Variants in CLEC16A observed in about 807,000 individuals in gnomAD.
The protein encoded by CLEC16A is C-type lectin domain containing 16A.
A neutral mutation model predicts 109.5 loss-of-function variants in CLEC16A; 51 were observed. The observed-to-expected ratio is 0.47, with a 90% CI of 0.37 to 0.59. CLEC16A has a LOEUF of 0.59. CLEC16A is among the 20% of genes least tolerant of loss of function. CLEC16A has a pLI of 0.00. For missense variants in CLEC16A, 1,339 were observed against 1,394.0 expected, an observed-to-expected ratio of 0.96 and a Z score of 0.63; for synonymous variants, 673 against 564.2, an observed-to-expected ratio of 1.19 and a Z score of -2.73.
At chr16:11,084,399 G>A (rs1332116508) in intron 19 of CLEC16A, among the ~76,000 whole-genome samples, 1 of 152,122 alleles carries the variant, frequency 6.6e-6, no homozygotes, top group Non-Finnish European at 1.5e-5. Flanking sequence ...TTCAAAGTTG[G>A]ATCCCAGGGC....
Position 10,982,908 on chromosome 16 carries a change from G to A in CLEC16A, c.988G>A (p.Val330Met). 2 of 1,611,198 alleles carry A rather than the reference G, an allele frequency of 1.2e-6. No individual in the cohort carries two copies. The highest frequency in any genetic ancestry group is 1.7e-6 in the Non-Finnish European group (2 of 1,177,418). Residue 330 changes from valine (V) to methionine (M), a missense_variant, in exon 10 of 24, where the codon GTG (valine) becomes ATG (methionine). Val to Met is a conservative substitution (Grantham distance 21). This residue lies in a region of CLEC16A where 1,061 missense variants were observed against 1,006.8 expected (regional missense o/e 1.05). Coordinates refer to ENST00000409790, the MANE Select transcript of CLEC16A (RefSeq NM_015226.3). ...VFLIIHHAPL[V>M]NSLAEVILNG... ...CTTAATTATACATCATGCACCGCTG[G>A]TGAACTCGTTAGCTGAAGTCATTCT... is the stretch of plus-strand genomic sequence containing the variant.
At chr16:11,030,821 T>C (rs529956213) in intron 13 of CLEC16A, among the ~76,000 whole-genome samples, 8 of 152,140 alleles carry the variant, frequency 5.3e-5, no homozygotes, top group Non-Finnish European at 1.2e-4. Context: ...ATTTTTGTAT[T>C]TTTAGTAGTG....
At chr16:11,042,489 C>G (rs2047393425) in intron 15 of CLEC16A, 126 bp downstream of exon 15, 2 of 672,116 alleles carry the variant, frequency 3.0e-6, no homozygotes, top group South Asian at 3.9e-5. Context: ...CTAGAAGCAG[C>G]AGGGGCTGCT....
intron 19 of CLEC16A, among the ~76,000 whole-genome samples, chr16:11,076,277 C>T (rs2049368373): frequency 6.6e-6 from 1 of 152,208 alleles, no homozygotes; most frequent in Admixed American, 6.5e-5. Flanking sequence ...AGAGATTTCC[C>T]CCTTGGGCCA....
At chr16:11,176,711 C>A (rs2068762382) in intron 23 of CLEC16A, among the ~76,000 whole-genome samples, 1 of 152,124 alleles carries the variant, frequency 6.6e-6, no homozygotes, top group South Asian at 2.1e-4. Context: ...GCACTCCAGC[C>A]TGGGTGACAG....
Position 10,977,355 on chromosome 16 carries a change from C to T in CLEC16A, c.859C>T (p.Leu287Phe). Residue 287 changes from leucine (L) to phenylalanine (F), a missense_variant, in exon 8 of 24, where the codon CTC becomes TTC. Coordinates refer to ENST00000409790, the MANE Select transcript of CLEC16A (RefSeq NM_015226.3). ...DVLTDHLLNRLFLPLYVYSLE... is the reference protein window; with the variant it reads ...DVLTDHLLNRFFLPLYVYSLE... Reference sequence around the variant, plus strand: ...GCTCACTGACCACCTGCTCAACAGGCTCTTCCTGCCCCTCTACGTGTACTC... The same window carrying T: ...GCTCACTGACCACCTGCTCAACAGGTTCTTCCTGCCCCTCTACGTGTACTC... 6.2e-7 allele frequency: 1 copy of T among 1,613,990 alleles called. No individual in the cohort carries two copies. Among genetic ancestry groups the T allele is most frequent in the African/African-American group, 1.3e-5 (1 of 75,044 alleles).
At chr16:10,977,576 C>T (rs1360102647) in intron 8 of CLEC16A, among the ~76,000 whole-genome samples, 177 bp downstream of exon 8, 1 of 152,074 alleles carries the variant, frequency 6.6e-6, no homozygotes, top group Non-Finnish European at 1.5e-5. Flanking sequence ...TGCAGTGGTG[C>T]GATCTTGGCT....
chr16:11,042,124 C>T (rs879211536), intron 14 of CLEC16A, 130 bp from the exon 15 acceptor site: 10 of 640,854 alleles, frequency 1.6e-5, no homozygotes, highest in Non-Finnish European at 2.5e-5. Flanking sequence ...TGTGTCCCCA[C>T]TGGATGTTGG....
At chr16:10,994,510 G>T (rs2044217682) in intron 10 of CLEC16A, among the ~76,000 whole-genome samples, 1 of 152,154 alleles carries the variant, frequency 6.6e-6, no homozygotes, top group Non-Finnish European at 1.5e-5. Context: ...GTTGGTTACA[G>T]TGGGTGTGAC....
chr16:10,963,413 A>C (rs940710273), intron 3 of CLEC16A, among the ~76,000 whole-genome samples: 3 of 152,212 alleles, frequency 2.0e-5, no homozygotes, highest in African/African-American at 7.2e-5. Flanking sequence ...GGGTACTATC[A>C]GAGGGTTCCC....
intron 13 of CLEC16A, among the ~76,000 whole-genome samples, chr16:11,038,972 G>A (rs1034820440): frequency 6.6e-6 from 1 of 152,098 alleles, no homozygotes; most frequent in Non-Finnish European, 1.5e-5. Flanking sequence ...TTTTGAGTTT[G>A]TCATTAAAAG....
At chr16:11,073,539 G>C (rs968587039) in intron 19 of CLEC16A, among the ~76,000 whole-genome samples, 1 of 152,120 alleles carries the variant, frequency 6.6e-6, no homozygotes, top group African/African-American at 2.4e-5. Flanking sequence ...TCATGTCCCT[G>C]CTTGTAAACT....
Position 11,180,671 on chromosome 16 carries a change from C to CT in CLEC16A, c.*1982dup, listed in dbSNP as rs1332980232. 6.6e-6 allele frequency: 1 copy of CT among 152,280 alleles called. No individual in the cohort carries two copies. The highest frequency in any genetic ancestry group is 1.5e-5 in the Non-Finnish European group (1 of 68,102). 9.4% of individuals were successfully genotyped at this position (152,280 alleles called of 1,614,324 possible). ...ATGCACTTCTGGTTTTGAAATGACT[C>CT]TGTCTGTGGGGCAGCAGAAACTAGA... On this transcript the variant is annotated 3_prime_UTR_variant, in exon 24 of 24. Coordinates refer to ENST00000409790, the MANE Select transcript of CLEC16A (RefSeq NM_015226.3).
intron 19 of CLEC16A, among the ~76,000 whole-genome samples, chr16:11,078,351 G>T (rs1023166544): frequency 3.9e-5 from 6 of 152,178 alleles, no homozygotes; most frequent in Non-Finnish European, 5.9e-5. Flanking sequence ...CCAGTGTTGA[G>T]AACCATGGGA....
rs139528347 is a variant in CLEC16A, at chr16:11,157,412, T to C, written c.2642-8976T>C. Among the ~76,000 whole-genome samples, 249 of 152,322 alleles carry C rather than the reference T, an allele frequency of 1.6e-3. 1 individual carries two copies. The highest frequency in any genetic ancestry group is 5.3e-3 in the African/African-American group (222 of 41,578). On this transcript the variant is annotated intron_variant, in intron 22 of 23. Coordinates refer to ENST00000409790, the MANE Select transcript of CLEC16A (RefSeq NM_015226.3). ...AGGAAGAAAACCAGATATCACCATTTGGGGGCAAGTCCTTCATTGCCCCGA... is the reference window on the plus strand; with the variant it reads ...AGGAAGAAAACCAGATATCACCATTCGGGGGCAAGTCCTTCATTGCCCCGA...
chr16:11,033,473 G>A (rs538926753), intron 13 of CLEC16A, among the ~76,000 whole-genome samples: 8 of 152,266 alleles, frequency 5.3e-5, no homozygotes, highest in African/African-American at 1.9e-4. Context: ...GCTGCCTCGT[G>A]GGGGAGCTGC....
rs575684197 is a variant in CLEC16A, at chr16:11,060,261, G to A, written c.1996-641G>A. 1.3e-4 allele frequency among the ~76,000 whole-genome samples: 20 copies of A among 152,258 alleles called. No individual in the cohort carries two copies. The South Asian group carries it at 4.1e-3, about 32-fold the overall frequency. ...AGGTCACTGCCCACCTGCTAGGTGC[G>A]AGGTCTCTGCCCCGTCAGCAGCACA... On this transcript the variant is annotated intron_variant, in intron 18 of 23. Coordinates refer to ENST00000409790, the MANE Select transcript of CLEC16A (RefSeq NM_015226.3).
At chr16:11,080,570 C>G (rs2049648105) in intron 19 of CLEC16A, among the ~76,000 whole-genome samples, 2 of 152,218 alleles carry the variant, frequency 1.3e-5, no homozygotes, top group African/African-American at 4.8e-5. Context: ...TTCTACAACA[C>G]CCAGTTATTC....
At chr16:11,033,602 C>T (rs1433239109) in intron 13 of CLEC16A, among the ~76,000 whole-genome samples, 4 of 152,142 alleles carry the variant, frequency 2.6e-5, no homozygotes, top group Non-Finnish European at 5.9e-5. Flanking sequence ...TCAGGCTGCA[C>T]TTGACCTTCA....
Sources: allele counts gnomAD v4.1 joint callset (sites outside exome capture counted in the v4.1 genomes callset), GRCh38; gene constraint gnomAD v4.1.1; regional missense constraint gnomAD v4.1.1; transcripts MANE v1.5; gene names NCBI Gene and HGNC (gene_info 2026-07-23, HGNC 2026-07-21).